Variants in SEM1 observed in about 807,000 individuals in gnomAD.
SEM1 encodes the protein 26S proteasome complex subunit SEM1.
SEM1 carries 3 observed loss-of-function variants against 12.7 expected under a neutral mutation model. The ratio of observed to expected loss-of-function variants is 0.24; its 90% CI spans 0.11 to 0.61. The LOEUF (loss-of-function observed/expected upper bound fraction) is 0.61. Ranked by LOEUF, SEM1 falls within the 20% of genes least tolerant of loss-of-function variation. The probability of loss-of-function intolerance (pLI) is 0.88; values close to 1 mark genes in which losing one functional copy is unlikely to be tolerated. For synonymous variants in SEM1, 30 were observed against 27.8 expected (o/e 1.08, Z -0.25); for missense variants, 59 against 81.3 (o/e 0.73, Z 1.06).
At chr7:96,512,440 C>G (rs1267657382) in intron 2 of SEM1, among the ~76,000 whole-genome samples, 1 of 152,122 alleles carries the variant, frequency 6.6e-6, no homozygotes, top group Non-Finnish European at 1.5e-5. Flanking sequence ...TGTTCCACCT[C>G]TGGTTGCAGG....
At chr7:96,484,042 A>G (rs1802653053) in intron 3 of SEM1, 4 of 1,411,864 alleles carry the variant, frequency 2.8e-6, no homozygotes, top group African/African-American at 1.4e-5. Context: ...ATTACACTTC[A>G]TGCATATTAA....
At chr7:96,543,985 G>A (rs2115799414) in intron 2 of SEM1, among the ~76,000 whole-genome samples, 1 of 152,142 alleles carries the variant, frequency 6.6e-6, no homozygotes, top group East Asian at 1.9e-4. Context: ...CTAAGCAGGA[G>A]TGTCCCACAA....
At chr7:96,496,211 A>G in intron 1 of SEM1, 1 of 890,476 alleles carries the variant, frequency 1.1e-6, no homozygotes, top group South Asian at 1.5e-5. Context: ...AGTACACTCA[A>G]GGTATACTAA....
At chr7:96,539,463 G>A (rs993950383) in intron 2 of SEM1, among the ~76,000 whole-genome samples, 2 of 151,546 alleles carry the variant, frequency 1.3e-5, no homozygotes, top group Admixed American at 1.3e-4. Flanking sequence ...ACAAGATTTT[G>A]TTATTGTGTT....
intron 2 of SEM1, among the ~76,000 whole-genome samples, chr7:96,614,746 C>T (rs1267593513): frequency 6.6e-6 from 1 of 152,212 alleles, no homozygotes; most frequent in Non-Finnish European, 1.5e-5. Context: ...GCATATGCTT[C>T]AACCCAACTG....
At chr7:96,704,004 CACACACAT>C (rs1554437207) in intron 1 of SEM1, among the ~76,000 whole-genome samples, 3 of 147,726 alleles carry the variant, frequency 2.0e-5, no homozygotes, top group South Asian at 2.2e-4. Flanking sequence ...CACACACACA[CACACACAT>C]ACATAAAAGA....
chr7:96,513,410 T>C (rs1293985800), intron 2 of SEM1, among the ~76,000 whole-genome samples: 2 of 152,160 alleles, frequency 1.3e-5, no homozygotes, highest in Non-Finnish European at 1.5e-5. Context: ...ATATGATTAG[T>C]ATTTAAAAAT....
intron 3 of SEM1, among the ~76,000 whole-genome samples, chr7:96,502,553 T>C (rs947732245): frequency 2.6e-5 from 4 of 152,186 alleles, no homozygotes; most frequent in African/African-American, 9.6e-5. Flanking sequence ...TCTCACTAAC[T>C]TGTGAGAATT....
At chr7:96,579,162 C>T (rs1806302287) in intron 2 of SEM1, among the ~76,000 whole-genome samples, 1 of 152,160 alleles carries the variant, frequency 6.6e-6, no homozygotes, top group Non-Finnish European at 1.5e-5. Flanking sequence ...CCAAGTTTCT[C>T]TCTTTAAAAG....
chr7:96,673,979 T>G, intron 2 of SEM1: 1 of 641,058 alleles, frequency 1.6e-6, no homozygotes, highest in Non-Finnish European at 2.8e-6. Flanking sequence ...TATGCCCCAG[T>G]CCCATCCCCA....
intron 2 of SEM1, among the ~76,000 whole-genome samples, chr7:96,526,642 C>T (rs1054651054): frequency 2.0e-5 from 3 of 151,488 alleles, no homozygotes; most frequent in Admixed American, 1.3e-4. Flanking sequence ...TCCTTGATCT[C>T]TTGGGGCCAG....
At chr7:96,530,015 G>A (rs555801090) in intron 2 of SEM1, among the ~76,000 whole-genome samples, 18 of 152,170 alleles carry the variant, frequency 1.2e-4, no homozygotes, top group African/African-American at 2.2e-4. Flanking sequence ...ACTAGCATTC[G>A]TGGATATCTG....
intron 2 of SEM1, among the ~76,000 whole-genome samples, chr7:96,562,505 C>T (rs1402669646): frequency 3.3e-5 from 5 of 152,076 alleles, no homozygotes; most frequent in African/African-American, 4.8e-5. Flanking sequence ...GTATGATAAG[C>T]GCTACGCTAA....
downstream of SEM1, among the ~76,000 whole-genome samples, chr7:96,686,496 G>A (rs561511136): frequency 1.3e-5 from 2 of 151,954 alleles, no homozygotes; most frequent in South Asian, 4.2e-4. Flanking sequence ...ACACTGTTAG[G>A]GTGACCACAT....
At chr7:96,611,136 A>C (rs1281945165) in intron 2 of SEM1, among the ~76,000 whole-genome samples, 1 of 152,104 alleles carries the variant, frequency 6.6e-6, no homozygotes, top group East Asian at 1.9e-4. Flanking sequence ...TTTTTTCTAA[A>C]AATCATTTAC....
intron 2 of SEM1, among the ~76,000 whole-genome samples, chr7:96,632,285 C>A (rs1203283108): frequency 6.6e-6 from 1 of 152,094 alleles, no homozygotes; most frequent in Non-Finnish European, 1.5e-5. Context: ...GTCACAATAG[C>A]AAAGACTTGG....
intron 2 of SEM1, among the ~76,000 whole-genome samples, chr7:96,535,365 C>T (rs1342082957): frequency 6.6e-5 from 10 of 151,592 alleles, no homozygotes; most frequent in East Asian, 1.9e-4. Context: ...TTTTTCTTTT[C>T]GAATATATGT....
At chr7:96,645,794 A>G in intron 2 of SEM1, 1 of 398,390 alleles carries the variant, frequency 2.5e-6, no homozygotes, top group Non-Finnish European at 4.4e-6. Context: ...GTTGAGGAGG[A>G]GTGACTAATA....
At chr7:96,676,614 C>G (rs963162436) in intron 2 of SEM1, among the ~76,000 whole-genome samples, 1 of 152,186 alleles carries the variant, frequency 6.6e-6, no homozygotes, top group African/African-American at 2.4e-5. Flanking sequence ...ACATTTCTGC[C>G]AATTTTATTG....
Sources: gnomAD v4.1 joint callset for allele counts (sites outside exome capture counted in the v4.1 genomes callset) on GRCh38, gnomAD v4.1.1 for gene constraint, MANE v1.5 for transcripts, NCBI Gene and HGNC (gene_info 2026-07-23, HGNC 2026-07-21) for gene names.